LHX4: variants seen among roughly 807,000 people sequenced by gnomAD.
The protein encoded by LHX4 is LIM homeobox 4, also known as LIM/homeobox protein Lhx4.
Under a neutral mutation model 39.2 loss-of-function variants are expected in LHX4, and 16 were observed. The observed-to-expected ratio is 0.41, with a 90% CI of 0.28 to 0.62. The LOEUF (loss-of-function observed/expected upper bound fraction) is 0.62. Among genes scored for constraint, LHX4 ranks in the 20% least tolerant of loss-of-function variants. The probability of loss-of-function intolerance (pLI) is 0.33; values close to 1 mark genes in which losing one functional copy is unlikely to be tolerated. For synonymous variants in LHX4, 206 were observed against 198.1 expected (o/e 1.04, Z -0.33); for missense variants, 439 against 511.9 (o/e 0.86, Z 1.37).
At chr1:180,265,924 C>T (rs1045952000) in intron 2 of LHX4, among the ~76,000 whole-genome samples, 8 of 152,186 alleles carry the variant, frequency 5.3e-5, no homozygotes, top group Admixed American at 2.0e-4. Context: ...GGGCCTCCTC[C>T]CTGGGAGTGT....
chr1:180,248,217 C>G (rs1486225949), intron 1 of LHX4, 68 bp from the exon 2 acceptor site: 5 of 1,551,298 alleles, frequency 3.2e-6, no homozygotes, highest in Non-Finnish European at 4.4e-6. Context: ...AGGCACCCGC[C>G]AGGGCCTGGC....
intron 1 of LHX4, among the ~76,000 whole-genome samples, chr1:180,238,220 G>A (rs932758876): frequency 6.6e-6 from 1 of 152,070 alleles, no homozygotes; most frequent in East Asian, 1.9e-4. Flanking sequence ...TTCTATTTTT[G>A]ACTAAGCCGA....
chr1:180,232,978 C>A lies in LHX4; in HGVS notation c.76+2373C>A, dbSNP rs1471189092. Among the ~76,000 whole-genome samples, 1 of 152,198 alleles carries A rather than the reference C, an allele frequency of 6.6e-6. No individual in the cohort carries two copies. Among genetic ancestry groups the A allele is most frequent in the Admixed American group, 6.5e-5 (1 of 15,294 alleles). ...AGAAGGGTTTCCCTCTCAACACAGACATGTTTGCCTCTTCATCACATGGAG... is the reference window on the plus strand; with the variant it reads ...AGAAGGGTTTCCCTCTCAACACAGAAATGTTTGCCTCTTCATCACATGGAG... On this transcript the variant is annotated intron_variant, in intron 1 of 5. Coordinates refer to ENST00000263726, the MANE Select transcript of LHX4 (RefSeq NM_033343.4). The surrounding 1 kb of genome is among the most constrained non-coding windows in gnomAD (Gnocchi z 5.4).
rs773975101 is a variant in LHX4, at chr1:180,266,412, C to T, written c.269C>T (p.Thr90Met). 2.0e-5 allele frequency: 33 copies of T among 1,614,028 alleles called. 1 individual carries two copies. Among genetic ancestry groups the T allele is most frequent in the Admixed American group, 1.2e-4 (7 of 60,006 alleles). Residue 90 changes from threonine (T) to methionine (M), a missense_variant, in exon 3 of 6, where the codon ACG (threonine) becomes ATG (methionine). Transcript: ENST00000263726. The surrounding 1 kb of genome is among the most constrained non-coding windows in gnomAD (Gnocchi z 5.7). Reference protein sequence around the residue: ...DFFKRFGTKCTACQQGIPPTQ... With the variant: ...DFFKRFGTKCMACQQGIPPTQ... ...GACAGGCGCTTCGGCACAAAATGCA[C>T]GGCCTGCCAGCAGGGTATCCCCCCA...
chr1:180,263,387 C>T (rs547845848), intron 2 of LHX4, among the ~76,000 whole-genome samples: 28 of 152,308 alleles, frequency 1.8e-4, no homozygotes, highest in Non-Finnish European at 3.2e-4. Context: ...CACAGACACA[C>T]CCCTGTAGGA....
In LHX4 at chr1:180,237,214, C is replaced by CG. The variant is rs11305552; in HGVS notation, c.76+6617dup. ...TTCACGACACAGGGGTTTTACTCGG[C>CG]GGGGGGGGCGGGGAGGAGGGCGGTC... On this transcript the variant is annotated intron_variant, in intron 1 of 5. Transcript: ENST00000263726. 4.3e-3 allele frequency among the ~76,000 whole-genome samples: 546 copies of CG among 127,912 alleles called. 7 individuals are homozygous for CG. The highest frequency in any genetic ancestry group is 0.041 in the East Asian group (174 of 4,278). 83.9% of individuals were successfully genotyped at this position (127,912 alleles called of 152,430 possible). A position where few individuals can be genotyped will look rare whatever the true frequency, so the allele number is the denominator to read the frequency against.
At chr1:180,256,882 G>A (rs1647879865) in intron 2 of LHX4, among the ~76,000 whole-genome samples, 1 of 152,192 alleles carries the variant, frequency 6.6e-6, no homozygotes, top group Admixed American at 6.5e-5. Context: ...GGTGACCTTG[G>A]GCCAGGCAGC....
intron 4 of LHX4, 75 bp from the exon 5 acceptor site, chr1:180,271,760 C>T (rs1165727967): frequency 6.4e-7 from 1 of 1,557,530 alleles, no homozygotes; most frequent in Non-Finnish European, 8.9e-7. Context: ...TTCCAGCCGC[C>T]CGCCTAGGGG....
At chr1:180,245,181 G>A (rs1193579310) in intron 1 of LHX4, among the ~76,000 whole-genome samples, 5 of 152,150 alleles carry the variant, frequency 3.3e-5, no homozygotes, top group South Asian at 2.1e-4. Context: ...TCAGCAGACC[G>A]CAAGGGCACT....
upstream of LHX4, among the ~76,000 whole-genome samples, chr1:180,229,727 C>T (rs866686214): frequency 1.3e-5 from 2 of 151,878 alleles, no homozygotes; most frequent in Admixed American, 6.6e-5. Context: ...GACGCAGCCC[C>T]GTCCCCGGCC....
chr1:180,278,314 G>A lies in LHX4; in HGVS notation c.*3735G>A, dbSNP rs981499642. ...CTGAAGGGCTCTGGGCATGCTGAAA[G>A]CTAAATGAAAAGCACATCACTGGCT... On this transcript the variant is annotated 3_prime_UTR_variant, in exon 6 of 6. Coordinates refer to ENST00000263726, the MANE Select transcript of LHX4 (RefSeq NM_033343.4). 3 of 147,062 alleles carry A rather than the reference G, an allele frequency of 2.0e-5. No homozygotes were observed. The highest frequency in any genetic ancestry group is 4.5e-5 in the Non-Finnish European group (3 of 67,106). The allele number at this position is 147,062 out of a possible 1,614,324, so 9.1% of individuals were successfully genotyped here.
upstream of LHX4, among the ~76,000 whole-genome samples, chr1:180,229,964 A>AGGCGGGGGGGGCG (rs1553278096): frequency 2.7e-5 from 2 of 73,482 alleles, no homozygotes; most frequent in African/African-American, 9.0e-5. Flanking sequence ...GGAGGCGGGG[A>AGGCGGGGGGGGCG]GGGGGGGGGG....
chr1:180,230,547 T>C lies in LHX4; in HGVS notation c.18T>C (p.Thr6=). The change falls in exon 1 of 6, where the codon ACT becomes ACC. Residue 6 remains threonine (T), a synonymous_variant. Coordinates refer to ENST00000263726, the MANE Select transcript of LHX4 (RefSeq NM_033343.4). The surrounding 1 kb of genome is among the most constrained non-coding windows in gnomAD (Gnocchi z 5.8). MMQSA[T]VPAEGAVKGL... Reference sequence around the variant, plus strand: ...GCTCCGAGATGATGCAGAGTGCGACTGTCCCCGCGGAAGGGGCTGTCAAGG... The same window carrying C: ...GCTCCGAGATGATGCAGAGTGCGACCGTCCCCGCGGAAGGGGCTGTCAAGG... 1.9e-6 allele frequency: 3 copies of C among 1,613,894 alleles called. No homozygotes were observed. The highest frequency in any genetic ancestry group is 2.2e-5 in the East Asian group (1 of 44,872).
rs532846142 is a variant in LHX4, at chr1:180,259,754, G to A, written c.249-6638G>A. On this transcript the variant is annotated intron_variant, in intron 2 of 5. Coordinates refer to ENST00000263726, the MANE Select transcript of LHX4 (RefSeq NM_033343.4). ...TGTGTGGGGAGGGACAGGTGGGATC[G>A]CCCTGGGGTCTGCTGGGTAAGGAAG... is the stretch of plus-strand genomic sequence containing the variant. Among the ~76,000 whole-genome samples the A allele has an allele frequency of 9.2e-5, 14 of 151,812 alleles. No individual in the cohort carries two copies. The South Asian group carries it at 2.9e-3, about 31-fold the overall frequency.
intron 5 of LHX4, among the ~76,000 whole-genome samples, chr1:180,272,207 T>G (rs1248052683): frequency 6.6e-6 from 1 of 152,004 alleles, no homozygotes; most frequent in Non-Finnish European, 1.5e-5. Context: ...ACAAGATTGC[T>G]GAGGTCTGGA....
chr1:180,271,295 C>A, intron 3 of LHX4, 85 bp from the exon 4 acceptor site: 1 of 1,487,418 alleles, frequency 6.7e-7, no homozygotes, highest in Non-Finnish European at 9.4e-7. Flanking sequence ...GGCTTAGGTG[C>A]AGAAAGGATG....
At position 180,271,378 on chromosome 1, in the gene LHX4, A is replaced by C. The variant is rs786204780; in HGVS notation, c.452-2A>C. ...CCAGTAAGCAGTGGTTTTTCCTTGCAGATGACTCAGAGGCTGGAGCTAAGC... is the reference window on the plus strand; with the variant it reads ...CCAGTAAGCAGTGGTTTTTCCTTGCCGATGACTCAGAGGCTGGAGCTAAGC... On this transcript the variant is annotated splice_acceptor_variant, in intron 3 of 5. Coordinates refer to ENST00000263726, the MANE Select transcript of LHX4 (RefSeq NM_033343.4). LOFTEE classifies it high-confidence loss of function. 5 of 1,614,112 alleles carry C rather than the reference A, an allele frequency of 3.1e-6. No individual in the cohort carries two copies. Among genetic ancestry groups the C allele is most frequent in the Non-Finnish European group, 4.2e-6 (5 of 1,180,054 alleles).
At chr1:180,241,092 T>C (rs1664436882) in intron 1 of LHX4, among the ~76,000 whole-genome samples, 1 of 152,218 alleles carries the variant, frequency 6.6e-6, no homozygotes, top group Non-Finnish European at 1.5e-5. Context: ...CCTGGATACA[T>C]TACAGCAACA....
intron 3 of LHX4, among the ~76,000 whole-genome samples, chr1:180,267,402 T>C (rs1648366693): frequency 6.6e-6 from 1 of 152,270 alleles, no homozygotes; most frequent in Non-Finnish European, 1.5e-5. Flanking sequence ...CTACATGCCA[T>C]GCGCTTGGGC....
Sources: allele counts gnomAD v4.1 joint callset (sites outside exome capture counted in the v4.1 genomes callset), GRCh38; gene constraint gnomAD v4.1.1; non-coding constraint Gnocchi (gnomAD v3.1); transcripts MANE v1.5; gene names NCBI Gene and HGNC (gene_info 2026-07-23, HGNC 2026-07-21).